Variants in CTNNA3 observed in about 807,000 individuals in gnomAD.
CTNNA3 encodes catenin alpha-3.
A neutral mutation model predicts 95.7 loss-of-function variants in CTNNA3; 76 were observed. The observed-to-expected ratio is 0.79, with a 90% CI of 0.66 to 0.96. CTNNA3 has a LOEUF of 0.96. CTNNA3 is among the 40% of genes least tolerant of loss of function. The pLI, the probability that CTNNA3 is intolerant of heterozygous loss-of-function variation, is 0.00. For missense variants in CTNNA3, 1,191 were observed against 1,089.8 expected (o/e 1.09, Z -1.31); for synonymous variants, 431 against 374.4 (o/e 1.15, Z -1.74).
At chr10:66,564,748 A>G (rs1256105192) in intron 10 of CTNNA3, among the ~76,000 whole-genome samples, 1 of 152,222 alleles carries the variant, frequency 6.6e-6, no homozygotes, top group African/African-American at 2.4e-5. Context: ...GACAAGGAAG[A>G]GAACTAACAT....
rs367698107 is a variant in CTNNA3, at chr10:66,198,072, C to T, written c.1884+82398G>A. On this transcript the variant is annotated intron_variant, in intron 13 of 17. Transcript: ENST00000433211. ...ATAGAGACTAACTGTACATCTGATT[C>T]TTCTGAGGATTGAGAAAGCAAATTT... Among the ~76,000 whole-genome samples, 3 of 152,232 alleles carry T rather than the reference C, an allele frequency of 2.0e-5. No individual in the cohort carries two copies. The East Asian group carries it at 5.8e-4, about 29-fold the overall frequency.
intron 3 of CTNNA3, among the ~76,000 whole-genome samples, chr10:67,566,325 G>GA (rs1216336878): frequency 2.0e-5 from 3 of 148,836 alleles, no homozygotes; most frequent in South Asian, 4.4e-4. Context: ...AAATTTACAA[G>GA]AAAAAAACAA....
chr10:66,495,950 T>A (rs10997190), intron 11 of CTNNA3, among the ~76,000 whole-genome samples: 1 of 152,012 alleles, frequency 6.6e-6, no homozygotes, highest in African/African-American at 2.4e-5. Flanking sequence ...AAACCACCAC[T>A]CCTGGCCTGG....
At chr10:66,015,872 T>C (rs1430012884) in intron 15 of CTNNA3, among the ~76,000 whole-genome samples, 1 of 152,188 alleles carries the variant, frequency 6.6e-6, no homozygotes, top group East Asian at 1.9e-4. Context: ...ATGTTAGATA[T>C]GAAATTATAT....
At chr10:66,441,134 A>C (rs1301937033) in intron 11 of CTNNA3, among the ~76,000 whole-genome samples, 3 of 152,148 alleles carry the variant, frequency 2.0e-5, no homozygotes. Context: ...GGAGTTTGAG[A>C]CCAGACTTAG....
At chr10:66,278,494 C>T (rs531899475) in intron 13 of CTNNA3, among the ~76,000 whole-genome samples, 2 of 152,064 alleles carry the variant, frequency 1.3e-5, no homozygotes, top group South Asian at 4.2e-4. Context: ...AAAATTACTG[C>T]TCTCAAAGGC....
At chr10:66,142,285 C>A (rs867776426) in intron 13 of CTNNA3, among the ~76,000 whole-genome samples, 3 of 151,996 alleles carry the variant, frequency 2.0e-5, no homozygotes, top group African/African-American at 7.2e-5. Context: ...CATTGTTTTG[C>A]CTTGACTCTT....
chr10:66,355,637 A>C (rs1400348717), intron 12 of CTNNA3, among the ~76,000 whole-genome samples: 1 of 152,066 alleles, frequency 6.6e-6, no homozygotes, highest in Non-Finnish European at 1.5e-5. Flanking sequence ...GGAGTATGAT[A>C]TGATATGCAA....
At chr10:66,133,255 C>T (rs1373844710) in intron 13 of CTNNA3, among the ~76,000 whole-genome samples, 3 of 152,152 alleles carry the variant, frequency 2.0e-5, no homozygotes, top group Non-Finnish European at 2.9e-5. Context: ...TGGCTAATGC[C>T]TGTAATCCCA....
chr10:66,779,843 A>C (rs1840460333), intron 7 of CTNNA3, among the ~76,000 whole-genome samples: 1 of 152,194 alleles, frequency 6.6e-6, no homozygotes. Context: ...ATCATCTACT[A>C]TATGCGGGAC....
At chr10:66,879,253 C>A (rs928727567) in intron 7 of CTNNA3, among the ~76,000 whole-genome samples, 1 of 152,180 alleles carries the variant, frequency 6.6e-6, no homozygotes, top group Admixed American at 6.6e-5. Flanking sequence ...TACTATGAAC[C>A]ATGAACTTGC....
intron 11 of CTNNA3, among the ~76,000 whole-genome samples, chr10:66,520,408 C>T (rs908108276): frequency 6.6e-6 from 1 of 151,568 alleles, no homozygotes; most frequent in African/African-American, 2.4e-5. Context: ...TGAGCCATGA[C>T]ACCCAGCTAA....
chr10:66,680,180 G>T (rs1417735159), intron 9 of CTNNA3, among the ~76,000 whole-genome samples: 1 of 144,216 alleles, frequency 6.9e-6, no homozygotes, highest in Admixed American at 6.9e-5. Context: ...TTTTTTGTTT[G>T]TTTTTTGTTT....
At chr10:66,895,676 C>T (rs1415284872) in intron 7 of CTNNA3, among the ~76,000 whole-genome samples, 1 of 151,946 alleles carries the variant, frequency 6.6e-6, no homozygotes, top group Admixed American at 6.6e-5. Context: ...CAGTTTTCCT[C>T]GTTTATAAAA....
chr10:66,007,970 G>T (rs1439592027), intron 15 of CTNNA3, among the ~76,000 whole-genome samples: 1 of 151,806 alleles, frequency 6.6e-6, no homozygotes, highest in African/African-American at 2.4e-5. Flanking sequence ...TTCTACAACA[G>T]ATCTATTTCA....
intron 9 of CTNNA3, among the ~76,000 whole-genome samples, chr10:66,729,954 A>T (rs1046871729): frequency 4.0e-5 from 6 of 150,710 alleles, no homozygotes; most frequent in African/African-American, 1.5e-4. Flanking sequence ...AATACAAAAA[A>T]AATTAGCCAG....
At chr10:67,244,047 T>G (rs1865814406) in intron 5 of CTNNA3, among the ~76,000 whole-genome samples, 1 of 152,208 alleles carries the variant, frequency 6.6e-6, no homozygotes, top group Non-Finnish European at 1.5e-5. Context: ...TGCCATAAAA[T>G]AATTTACTTT....
chr10:65,928,728 G>A (rs933676874), intron 17 of CTNNA3, among the ~76,000 whole-genome samples: 12 of 152,084 alleles, frequency 7.9e-5, no homozygotes, highest in Non-Finnish European at 1.8e-4. Context: ...TCTACCAGGA[G>A]GTTTCTGGCC....
chr10:66,449,426 A>G (rs143438276), intron 11 of CTNNA3, among the ~76,000 whole-genome samples: 2 of 152,290 alleles, frequency 1.3e-5, no homozygotes, highest in African/African-American at 4.8e-5. Context: ...AGACATTATA[A>G]TGTGGTCAAA....
Sources: allele counts gnomAD v4.1 joint callset (sites outside exome capture counted in the v4.1 genomes callset), GRCh38; gene constraint gnomAD v4.1.1; transcripts MANE v1.5; gene names NCBI Gene and HGNC (gene_info 2026-07-23, HGNC 2026-07-21).